CCDC102B: variants seen among roughly 807,000 people sequenced by gnomAD.
The protein encoded by CCDC102B is coiled-coil domain-containing protein 102B.
In CCDC102B, 75 loss-of-function variants were observed where a neutral mutation model predicts 57.4. The ratio of observed to expected loss-of-function variants is 1.31; its 90% CI spans 1.08 to 1.58. CCDC102B has a LOEUF of 1.58. CCDC102B is among the 40% of genes most tolerant of loss of function. CCDC102B has a pLI of 0.00. For missense variants in CCDC102B, 636 were observed against 582.6 expected, an observed-to-expected ratio of 1.09 and a Z score of -0.94; for synonymous variants, 206 against 201.9, an observed-to-expected ratio of 1.02 and a Z score of -0.17.
At chr18:68,816,459 C>CTT (rs869077830) in intron 1 of CCDC102B, among the ~76,000 whole-genome samples, 939 of 100,484 alleles carry the variant, frequency 9.3e-3, no homozygotes, top group Non-Finnish European at 0.012. Flanking sequence ...TATTTCCTTT[C>CTT]TTTTTTTTTT....
intron 7 of CCDC102B, among the ~76,000 whole-genome samples, chr18:69,017,436 T>G (rs1307926049): frequency 6.6e-6 from 1 of 152,182 alleles, no homozygotes; most frequent in Non-Finnish European, 1.5e-5. Context: ...AGTTTCTTTC[T>G]TTCGTGGAAC....
rs994210626 is a variant in CCDC102B, at chr18:68,974,645, C to A, written c.1264-36289C>A. On this transcript the variant is annotated intron_variant, in intron 6 of 7. Coordinates refer to ENST00000360242, the MANE Select transcript of CCDC102B (RefSeq NM_024781.3). ...ATATACCATACTTTTCCCTTAATGA[C>A]CATGAGGTTATACATATAAATACTA... Among the ~76,000 whole-genome samples, 8 of 151,652 alleles carry A rather than the reference C, an allele frequency of 5.3e-5. No homozygotes were observed. In the East Asian group the frequency reaches 1.4e-3, roughly 26 times the overall value.
chr18:68,890,052 G>T (rs1410272837), intron 5 of CCDC102B, among the ~76,000 whole-genome samples: 1 of 152,026 alleles, frequency 6.6e-6, no homozygotes, highest in African/African-American at 2.4e-5. Context: ...CACTTTCCTT[G>T]CAGTGTAATT....
chr18:68,809,705 T>G (rs2036171318), intron 1 of CCDC102B, among the ~76,000 whole-genome samples: 1 of 152,194 alleles, frequency 6.6e-6, no homozygotes, highest in African/African-American at 2.4e-5. Flanking sequence ...ACATCTTCAA[T>G]GCCTAGAATT....
intron 6 of CCDC102B, among the ~76,000 whole-genome samples, chr18:68,976,691 C>G (rs927430559): frequency 2.6e-5 from 4 of 152,070 alleles, no homozygotes; most frequent in Admixed American, 6.6e-5. Context: ...CTTATTTAAA[C>G]CCATCATATG....
chr18:68,770,443 CAA>C (rs2144611777), intron 2 of CCDC102B, among the ~76,000 whole-genome samples: 1 of 152,262 alleles, frequency 6.6e-6, no homozygotes, highest in African/African-American at 2.4e-5. Flanking sequence ...TTAGAAATAA[CAA>C]GGTGCAACTT....
chr18:68,949,975 C>T lies in CCDC102B; in HGVS notation c.1263+52547C>T, dbSNP rs948672530. Among the ~76,000 whole-genome samples the T allele has an allele frequency of 5.9e-5, 9 of 152,036 alleles. No individual in the cohort carries two copies. In the East Asian group the frequency reaches 1.7e-3, roughly 29 times the overall value. ...ATTACATCTAAGAGATATCACCAAC[C>T]AGAATACTGTCTATAATTCCTAAAA... On this transcript the variant is annotated intron_variant, in intron 6 of 7. Coordinates refer to ENST00000360242, the MANE Select transcript of CCDC102B (RefSeq NM_024781.3).
chr18:68,755,875 C>T (rs1311471171), intron 2 of CCDC102B, among the ~76,000 whole-genome samples: 4 of 151,212 alleles, frequency 2.6e-5, no homozygotes, highest in Non-Finnish European at 5.9e-5. Flanking sequence ...TATAGAGTTG[C>T]TATATTTAGC....
intron 4 of CCDC102B, among the ~76,000 whole-genome samples, chr18:68,865,212 A>G (rs576102649): frequency 1.6e-4 from 25 of 152,094 alleles, no homozygotes; most frequent in Non-Finnish European, 1.9e-4. Flanking sequence ...TCAAGGCATG[A>G]CTATTGCCAA....
intron 6 of CCDC102B, among the ~76,000 whole-genome samples, chr18:68,946,952 G>A (rs1300735378): frequency 6.6e-6 from 1 of 151,866 alleles, no homozygotes; most frequent in Non-Finnish European, 1.5e-5. Flanking sequence ...TCATGGAACA[G>A]CAAGTGTCTT....
intron 6 of CCDC102B, among the ~76,000 whole-genome samples, chr18:68,905,371 A>G (rs557042281): frequency 9.3e-4 from 140 of 150,338 alleles, no homozygotes; most frequent in Non-Finnish European, 1.4e-3. Context: ...AAGGACATAA[A>G]ACACTATTGT....
intron 2 of CCDC102B, among the ~76,000 whole-genome samples, chr18:68,727,062 T>C (rs1016895476): frequency 6.6e-6 from 1 of 152,186 alleles, no homozygotes; most frequent in Admixed American, 6.5e-5. Context: ...TCATCTACTT[T>C]GGGATACAAT....
At position 68,874,708 on chromosome 18, in the gene CCDC102B, G is replaced by C; in HGVS notation, c.976G>C (p.Glu326Gln). The C allele has an allele frequency of 6.2e-7, 1 of 1,611,908 alleles. No individual in the cohort carries two copies. Among genetic ancestry groups the C allele is most frequent in the Non-Finnish European group, 8.5e-7 (1 of 1,178,494 alleles). Reference sequence around the variant, plus strand: ...TGGTCAACATAATGATGAAATGCAAGAACTGTCAGGCAATATAAAGGAAGA... The same window carrying C: ...TGGTCAACATAATGATGAAATGCAACAACTGTCAGGCAATATAAAGGAAGA... ...LLGQHNDEMQ[E>Q]LSGNIKEESK... The change falls in exon 5 of 8, where the codon GAA becomes CAA. Residue 326 changes from glutamate (E) to glutamine (Q), a missense_variant. Transcript: ENST00000360242.
chr18:68,788,790 C>T (rs2035313108), intron 2 of CCDC102B, among the ~76,000 whole-genome samples: 1 of 151,724 alleles, frequency 6.6e-6, no homozygotes, highest in Non-Finnish European at 1.5e-5. Flanking sequence ...TCCAATTTGC[C>T]AGTCTGTGTC....
chr18:69,016,045 A>G (rs1599851983), intron 7 of CCDC102B, among the ~76,000 whole-genome samples: 1 of 108,808 alleles, frequency 9.2e-6, no homozygotes, highest in Non-Finnish European at 1.9e-5. Context: ...TTTTTTTTTT[A>G]GTAGAGACGG....
At chr18:68,753,262 C>T (rs1288369600) in intron 2 of CCDC102B, 3 of 152,052 alleles carry the variant, frequency 2.0e-5, no homozygotes, top group Non-Finnish European at 4.4e-5. Flanking sequence ...TTACACTTTT[C>T]GTGCTTGAGA....
chr18:68,795,915 A>C (rs2035614308), upstream of CCDC102B, among the ~76,000 whole-genome samples: 1 of 152,220 alleles, frequency 6.6e-6, no homozygotes, highest in African/African-American at 2.4e-5. Flanking sequence ...AAGGTGTTCC[A>C]CCATTGAAAG....
intron 2 of CCDC102B, among the ~76,000 whole-genome samples, chr18:68,746,174 A>G (rs937083282): frequency 2.0e-5 from 3 of 152,204 alleles, no homozygotes; most frequent in African/African-American, 7.2e-5. Flanking sequence ...ATGCTTAGAA[A>G]CCAACCTTTC....
intron 2 of CCDC102B, among the ~76,000 whole-genome samples, chr18:68,737,915 G>A (rs558913501): frequency 6.6e-6 from 1 of 152,162 alleles, no homozygotes; most frequent in East Asian, 1.9e-4. Flanking sequence ...GACTATATTT[G>A]TGCACATTGG....
Sources: allele counts gnomAD v4.1 joint callset (sites outside exome capture counted in the v4.1 genomes callset), GRCh38; gene constraint gnomAD v4.1.1; transcripts MANE v1.5; gene names NCBI Gene and HGNC (gene_info 2026-07-23, HGNC 2026-07-21).